EVL: variants seen among roughly 807,000 people sequenced by gnomAD.
EVL encodes the protein ena/VASP-like protein.
EVL carries 21 observed loss-of-function variants against 59.6 expected under a neutral mutation model. That is an observed-to-expected ratio of 0.35 (90% CI 0.25 to 0.51). EVL has a LOEUF of 0.51. Ranked by LOEUF, EVL falls within the 20% of genes least tolerant of loss-of-function variation. EVL has a pLI of 0.97. For missense variants in EVL, 462 were observed against 546.6 expected, an observed-to-expected ratio of 0.85 and a Z score of 1.54; for synonymous variants, 198 against 203.5, an observed-to-expected ratio of 0.97 and a Z score of 0.23.
At chr14:99,987,440 G>A (rs2060846531) in intron 1 of EVL, among the ~76,000 whole-genome samples, 1 of 152,126 alleles carries the variant, frequency 6.6e-6, no homozygotes, top group African/African-American at 2.4e-5. Flanking sequence ...TCAGGAGTTT[G>A]AGACCAGCCT....
chr14:100,059,182 G>C (rs2061781413), intron 1 of EVL, among the ~76,000 whole-genome samples: 1 of 152,158 alleles, frequency 6.6e-6, no homozygotes, highest in African/African-American at 2.4e-5. Context: ...ATATACAAAG[G>C]GTACTGAGAC....
chr14:100,133,792 C>T (rs202083472), intron 8 of EVL, among the ~76,000 whole-genome samples: 11 of 152,052 alleles, frequency 7.2e-5, no homozygotes, highest in African/African-American at 2.7e-4. Flanking sequence ...ACAAAATTAG[C>T]GGGGCATGGT....
At position 100,108,285 on chromosome 14, in the gene EVL, G is replaced by A. The variant is rs1446966440; in HGVS notation, c.358+10627G>A. 2.6e-5 allele frequency among the ~76,000 whole-genome samples: 4 copies of A among 152,064 alleles called. No homozygotes were observed. The highest frequency in any genetic ancestry group is 5.9e-5 in the Non-Finnish European group (4 of 68,018). On this transcript the variant is annotated intron_variant, in intron 3 of 13. Coordinates refer to ENST00000392920, the MANE Select transcript of EVL (RefSeq NM_016337.3). The surrounding 1 kb of genome is among the most constrained non-coding windows in gnomAD (Gnocchi z 4.1). ...TAAACCTCATAGCTCTTGGAGGTGG[G>A]GCTGAATTTTGCTTCTTGTAAACCT...
intron 1 of EVL, among the ~76,000 whole-genome samples, chr14:100,016,680 G>A (rs1382114148): frequency 6.6e-6 from 1 of 152,192 alleles, no homozygotes; most frequent in Non-Finnish European, 1.5e-5. Context: ...GAGTTGTCAG[G>A]AGTCACGGAC....
rs374740179 is a variant in EVL, at chr14:100,143,777, G to A, written c.*39G>A. On this transcript the variant is annotated 3_prime_UTR_variant, in exon 14 of 14. Coordinates refer to ENST00000392920, the MANE Select transcript of EVL (RefSeq NM_016337.3). ...CTGCGCTGATTCGTCGAGCCCATCC[G>A]GCGACAGAGGACAGCCAGAAGCCCA... is the stretch of plus-strand genomic sequence containing the variant. 4.2e-5 allele frequency: 67 copies of A among 1,603,466 alleles called. No individual in the cohort carries two copies. Among genetic ancestry groups the A allele is most frequent in the African/African-American group, 1.2e-4 (9 of 74,746 alleles).
intron 1 of EVL, among the ~76,000 whole-genome samples, chr14:99,974,033 C>T (rs969430039): frequency 7.9e-5 from 12 of 152,098 alleles, no homozygotes; most frequent in African/African-American, 2.9e-4. Context: ...GCAGGTCTGG[C>T]AACAAATTCT....
chr14:100,035,976 G>T (rs1274979952), intron 1 of EVL, among the ~76,000 whole-genome samples: 1 of 152,114 alleles, frequency 6.6e-6, no homozygotes, highest in Non-Finnish European at 1.5e-5. Flanking sequence ...ATTCTCTATG[G>T]CAGGGGTCCC....
chr14:100,079,557 C>T (rs745847674), intron 1 of EVL, among the ~76,000 whole-genome samples: 1 of 152,152 alleles, frequency 6.6e-6, no homozygotes, highest in South Asian at 2.1e-4. Context: ...AGGAGCCAGC[C>T]TCTCTCTGGA....
chr14:100,082,176 C>A (rs1483042704), intron 1 of EVL, among the ~76,000 whole-genome samples: 3 of 151,840 alleles, frequency 2.0e-5, no homozygotes, highest in Non-Finnish European at 2.9e-5. Context: ...CTGTCCCCCC[C>A]TCCCCCGCAT....
intron 1 of EVL, among the ~76,000 whole-genome samples, chr14:100,047,016 G>C (rs2061558864): frequency 6.7e-6 from 1 of 150,196 alleles, no homozygotes; most frequent in Non-Finnish European, 1.5e-5. Context: ...GCCTCCCAAA[G>C]TGCTGGGATT....
At chr14:100,012,926 T>C (rs900013066) in intron 1 of EVL, among the ~76,000 whole-genome samples, 3 of 152,254 alleles carry the variant, frequency 2.0e-5, no homozygotes, top group African/African-American at 7.2e-5. Flanking sequence ...CTCCCCACAA[T>C]TTCAAAATGG....
At position 100,074,166 on chromosome 14, in the gene EVL, G is replaced by A. The variant is rs190979981; in HGVS notation, c.11+8655G>A. Among the ~76,000 whole-genome samples, 154 of 152,294 alleles carry A rather than the reference G, an allele frequency of 1.0e-3. No homozygotes were observed. The Middle Eastern group carries it at 0.01, about 10-fold the overall frequency. On this transcript the variant is annotated intron_variant, in intron 1 of 13. Transcript: ENST00000392920. ...CTGGGCCATTCCACAGACAGGACCC[G>A]ACAGCCTGCTCCCACTTGGTGAGGC...
In EVL at chr14:100,109,255, C is replaced by T. The variant is rs1187524795; in HGVS notation, c.358+11597C>T. 2.0e-5 allele frequency among the ~76,000 whole-genome samples: 3 copies of T among 152,248 alleles called. No individual in the cohort carries two copies. The highest frequency in any genetic ancestry group is 4.1e-4 in the South Asian group (2 of 4,834). On this transcript the variant is annotated intron_variant, in intron 3 of 13. Coordinates refer to ENST00000392920, the MANE Select transcript of EVL (RefSeq NM_016337.3). This position sits in a 1 kb window ranked among gnomAD's most constrained non-coding sequence, Gnocchi z 4.3. ...TCTTCAGTCTGTCCTCCCTGGGCTGCGTCTAAAGGGGCCCCGCCCCTGCCC... is the reference window on the plus strand; with the variant it reads ...TCTTCAGTCTGTCCTCCCTGGGCTGTGTCTAAAGGGGCCCCGCCCCTGCCC...
rs140394029 is a variant in EVL, at chr14:100,102,652, A to G, written c.358+4994A>G. 2.4e-4 allele frequency among the ~76,000 whole-genome samples: 36 copies of G among 152,286 alleles called. No homozygotes were observed. In the East Asian group the frequency reaches 5.8e-3, roughly 24 times the overall value. ...GCAGCTAAGAGACCTAGATTCCTCC[A>G]GAAGTGCCAGAGGGAGGGTTGGCGT... On this transcript the variant is annotated intron_variant, in intron 3 of 13. Coordinates refer to ENST00000392920, the MANE Select transcript of EVL (RefSeq NM_016337.3).
At chr14:100,004,203 C>G (rs747665929) in intron 1 of EVL, among the ~76,000 whole-genome samples, 27 of 152,142 alleles carry the variant, frequency 1.8e-4, no homozygotes, top group Non-Finnish European at 2.9e-4. Flanking sequence ...GACTGTGTCT[C>G]AAAATCAACC....
intron 3 of EVL, among the ~76,000 whole-genome samples, chr14:100,098,388 A>G (rs1885964728): frequency 6.6e-6 from 1 of 152,160 alleles, no homozygotes; most frequent in South Asian, 2.1e-4. Context: ...TAGTGCTGGG[A>G]AGAGGGCGAT....
intron 1 of EVL, among the ~76,000 whole-genome samples, chr14:100,038,503 C>G (rs2061419872): frequency 6.6e-6 from 1 of 152,182 alleles, no homozygotes; most frequent in East Asian, 1.9e-4. Flanking sequence ...GCTCTTAGTC[C>G]CAAATCAGGA....
intron 1 of EVL, among the ~76,000 whole-genome samples, chr14:100,043,567 C>T (rs571983910): frequency 6.7e-6 from 1 of 149,652 alleles, no homozygotes; most frequent in South Asian, 2.1e-4. Context: ...AGAAGTGTCC[C>T]AGCTCCAGAA....
chr14:100,068,201 G>A (rs1227325146), intron 1 of EVL, among the ~76,000 whole-genome samples: 4 of 152,194 alleles, frequency 2.6e-5, no homozygotes, highest in Admixed American at 2.6e-4. Context: ...AAAATCTGAA[G>A]GTTTTGGGGT....
Sources: allele counts gnomAD v4.1 joint callset (sites outside exome capture counted in the v4.1 genomes callset), GRCh38; gene constraint gnomAD v4.1.1; non-coding constraint Gnocchi (gnomAD v3.1); transcripts MANE v1.5; gene names NCBI Gene and HGNC (gene_info 2026-07-23, HGNC 2026-07-21).